Variants in ARHGEF18 observed in about 807,000 individuals in gnomAD.
ARHGEF18 encodes the protein Rho/Rac guanine nucleotide exchange factor 18.
Under a neutral mutation model 155.7 loss-of-function variants are expected in ARHGEF18, and 93 were observed. The ratio of observed to expected loss-of-function variants is 0.60; its 90% CI spans 0.50 to 0.71. ARHGEF18 has a LOEUF of 0.71. ARHGEF18 is among the 30% of genes least tolerant of loss of function. ARHGEF18 has a pLI of 0.00. For synonymous variants in ARHGEF18, 742 were observed against 753.1 expected (o/e 0.99, Z 0.24); for missense variants, 1,593 against 1,816.1 (o/e 0.88, Z 2.23).
Position 7,375,755 on chromosome 19 carries a change from C to A in ARHGEF18, c.311C>A (p.Pro104His), listed in dbSNP as rs1210741810. 1.6e-6 allele frequency: 2 copies of A among 1,234,364 alleles called. No homozygotes were observed. Among genetic ancestry groups the A allele is most frequent in the South Asian group, 4.1e-5 (1 of 24,424 alleles). The allele number at this position is 1,234,364 out of a possible 1,614,324, so 76.5% of individuals were successfully genotyped here. A position where few individuals can be genotyped will look rare whatever the true frequency, so the allele number is the denominator to read the frequency against. ...SLDASAVDEE[P>H]CLPRTLASLA... is the part of the protein sequence containing the mutation. ...GATGCCTCAGCTGTGGATGAGGAACCCTGTCTCCCCCGAACACTGGCCAGC... is the reference window on the plus strand; with the variant it reads ...GATGCCTCAGCTGTGGATGAGGAACACTGTCTCCCCCGAACACTGGCCAGC... Residue 104 changes from proline (P) to histidine (H), a missense_variant, in exon 4 of 29, where the codon CCC becomes CAC. Coordinates refer to ENST00000668164, the MANE Select transcript of ARHGEF18 (RefSeq NM_001367823.1).
At chr19:7,474,754 A>AGTGTGTGT (rs3219570), downstream of ARHGEF18, among the ~76,000 whole-genome samples, 134 of 142,036 alleles carry the variant, frequency 9.4e-4, 2 homozygotes, top group African/African-American at 2.2e-3. Context: ...TGGGCATTGG[A>AGTGTGTGT]GTGTGTGTGT....
At chr19:7,382,987 TG>T (rs1970816301) in intron 9 of ARHGEF18, 74 bp from the exon 10 acceptor site, 1 of 1,232,160 alleles carries the variant, frequency 8.1e-7, no homozygotes, top group Non-Finnish European at 1.0e-6. Context: ...GGGCTGGTGG[TG>T]GGCTGGGTAC....
intron 14 of ARHGEF18, among the ~76,000 whole-genome samples, chr19:7,445,171 G>A (rs1389712442): frequency 6.6e-6 from 1 of 152,198 alleles, no homozygotes; most frequent in African/African-American, 2.4e-5. Flanking sequence ...TGTTGACTGA[G>A]TGCAGTGGCC....
intron 2 of ARHGEF18, among the ~76,000 whole-genome samples, chr19:7,366,721 A>G (rs1449528703): frequency 6.6e-6 from 1 of 152,188 alleles, no homozygotes; most frequent in African/African-American, 2.4e-5. Context: ...AGGCTTGCTC[A>G]GAGGAAGGGT....
At chr19:7,432,150 A>C (rs1974004061) in intron 10 of ARHGEF18, among the ~76,000 whole-genome samples, 1 of 152,136 alleles carries the variant, frequency 6.6e-6, no homozygotes, top group Non-Finnish European at 1.5e-5. Context: ...AAAATGAGGC[A>C]AGAAAGAGAA....
downstream of ARHGEF18, among the ~76,000 whole-genome samples, chr19:7,474,754 A>AGTGTGTGTGTGTGT (rs3219570): frequency 0.029 from 4,111 of 141,958 alleles, 152 homozygotes; most frequent in African/African-American, 0.07. Flanking sequence ...TGGGCATTGG[A>AGTGTGTGTGTGTGT]GTGTGTGTGT....
rs114255680 is a variant in ARHGEF18 at position 7,420,065 on chromosome 19, A to T, written c.968-20279A>T. Reference sequence around the variant, plus strand: ...CCCACACTCACGCTAAGCCCTGACGACAGCCTCAGGCCAGCTGAGCTCTCA... The same window carrying T: ...CCCACACTCACGCTAAGCCCTGACGTCAGCCTCAGGCCAGCTGAGCTCTCA... On this transcript the variant is annotated intron_variant, in intron 10 of 28. Coordinates refer to ENST00000668164, the MANE Select transcript of ARHGEF18 (RefSeq NM_001367823.1). 8.7e-3 allele frequency among the ~76,000 whole-genome samples: 1,316 copies of T among 150,756 alleles called. 15 individuals are homozygous for T. Among genetic ancestry groups the T allele is most frequent in the African/African-American group, 0.017 (701 of 40,396 alleles).
In ARHGEF18 at chr19:7,431,046, C is replaced by T. The variant is rs1025956430; in HGVS notation, c.968-9298C>T. On this transcript the variant is annotated intron_variant, in intron 10 of 28. Coordinates refer to ENST00000668164, the MANE Select transcript of ARHGEF18 (RefSeq NM_001367823.1). Reference sequence around the variant, plus strand: ...GCACACACCTATGGTCCCAGCTATTCGGGAGGCTGAGGTGGGAGGATCACT... The same window carrying T: ...GCACACACCTATGGTCCCAGCTATTTGGGAGGCTGAGGTGGGAGGATCACT... 6.6e-5 allele frequency among the ~76,000 whole-genome samples: 10 copies of T among 150,990 alleles called. 1 individual carries two copies. The highest frequency in any genetic ancestry group is 4.6e-4 in the Admixed American group (7 of 15,152).
intron 10 of ARHGEF18, among the ~76,000 whole-genome samples, chr19:7,405,954 T>C (rs985017499): frequency 3.3e-5 from 5 of 152,182 alleles, no homozygotes; most frequent in African/African-American, 7.2e-5. Context: ...ACTCATTTCT[T>C]AGGCTCTTTA....
At chr19:7,473,089 A>G (rs1207658119), downstream of ARHGEF18, 2 of 456,172 alleles carry the variant, frequency 4.4e-6, no homozygotes, top group East Asian at 6.9e-5. Flanking sequence ...TTAATCCACA[A>G]TAACCGCAAA....
chr19:7,378,166 C>T (rs924434651), intron 5 of ARHGEF18, among the ~76,000 whole-genome samples: 10 of 152,118 alleles, frequency 6.6e-5, no homozygotes, highest in Non-Finnish European at 1.0e-4. Context: ...ATCTCACACA[C>T]GTAAAGCACT....
At chr19:7,435,732 C>A (rs1025417260) in intron 10 of ARHGEF18, among the ~76,000 whole-genome samples, 2 of 152,294 alleles carry the variant, frequency 1.3e-5, no homozygotes, top group East Asian at 1.9e-4. Context: ...ATCAATACAG[C>A]GGGTCTGTGG....
chr19:7,456,364 G>A lies in ARHGEF18; in HGVS notation c.2142G>A (p.Leu714=). The change falls in exon 18 of 29, where the codon CTG becomes CTA. Residue 714 remains leucine (L), a synonymous_variant. Coordinates refer to ENST00000668164, the MANE Select transcript of ARHGEF18 (RefSeq NM_001367823.1). ...LAILLTDVLL[L]LQEKDQKYVF... is the part of the protein sequence containing the mutation. ...TCCTGCTGACCGACGTACTTTTGCT[G>A]CTACAAGAAAAAGATCAGAAATACG... 1.9e-6 allele frequency: 3 copies of A among 1,614,184 alleles called. No homozygotes were observed. The highest frequency in any genetic ancestry group is 1.7e-6 in the Non-Finnish European group (2 of 1,180,028).
chr19:7,362,026 A>G (rs1323745825), intron 1 of ARHGEF18, among the ~76,000 whole-genome samples: 737 of 60,126 alleles, frequency 0.012, 26 homozygotes, highest in African/African-American at 0.051. Flanking sequence ...GGAGAAGGAG[A>G]AGGAGAAGGA....
chr19:7,433,403 T>C (rs543020163), intron 10 of ARHGEF18, among the ~76,000 whole-genome samples: 10 of 145,554 alleles, frequency 6.9e-5, no homozygotes, highest in Non-Finnish European at 1.2e-4. Flanking sequence ...GGAGGCGGGG[T>C]TGCAGTGAGC....
Position 7,355,613 on chromosome 19 carries a change from G to A in ARHGEF18, c.-111+6372G>A, listed in dbSNP as rs906452549. Reference sequence around the variant, plus strand: ...CCAGCTCACACTCAAGCTCTCACACGCACGCATGGCCCCCATGGCTGACTC... The same window carrying A: ...CCAGCTCACACTCAAGCTCTCACACACACGCATGGCCCCCATGGCTGACTC... On this transcript the variant is annotated intron_variant, in intron 1 of 28. Transcript: ENST00000668164. 5.1e-6 allele frequency: 5 copies of A among 985,286 alleles called. No individual in the cohort carries two copies. In the African/African-American group the frequency reaches 5.2e-5, roughly 10 times the overall value. The allele number at this position is 985,286 out of a possible 1,614,324, so 61.0% of individuals were successfully genotyped here. A position where few individuals can be genotyped will look rare whatever the true frequency, so the allele number is the denominator to read the frequency against.
At chr19:7,459,661 C>G (rs543101161) in intron 19 of ARHGEF18, among the ~76,000 whole-genome samples, 8 of 152,388 alleles carry the variant, frequency 5.2e-5, no homozygotes, top group African/African-American at 1.9e-4. Flanking sequence ...GTCCCCTGGA[C>G]TCCTCCTCTA....
chr19:7,440,190 A>C lies in ARHGEF18; in HGVS notation c.968-154A>C, dbSNP rs1371104432. The C allele has an allele frequency of 6.4e-7, 1 of 1,551,398 alleles. No homozygotes were observed. Among genetic ancestry groups the C allele is most frequent in the Non-Finnish European group, 8.7e-7 (1 of 1,146,918 alleles). ...GTCTTTTTACGGCTCTTTCCCCAGG[A>C]AATGGAGCGAGAACGTCTTCTTGGA... On this transcript the variant is annotated intron_variant, in intron 10 of 28. Transcript: ENST00000668164. The surrounding 1 kb of genome is among the most constrained non-coding windows in gnomAD (Gnocchi z 5.4).
intron 10 of ARHGEF18, among the ~76,000 whole-genome samples, chr19:7,412,035 GTTT>G (rs35949554): frequency 6.7e-6 from 1 of 148,974 alleles, no homozygotes; most frequent in African/African-American, 2.5e-5. Context: ...TTTTTGTTTG[GTTT>G]TTCTTTTTTT....
Sources: gnomAD v4.1 joint callset for allele counts (sites outside exome capture counted in the v4.1 genomes callset) on GRCh38, gnomAD v4.1.1 for gene constraint, Gnocchi (gnomAD v3.1) non-coding constraint, MANE v1.5 for transcripts, NCBI Gene and HGNC (gene_info 2026-07-23, HGNC 2026-07-21) for gene names.